DSCAML1: variants seen among roughly 807,000 people sequenced by gnomAD.
The protein encoded by DSCAML1 is DS cell adhesion molecule like 1, also known as cell adhesion molecule DSCAML1.
In DSCAML1, 38 loss-of-function variants were observed where a neutral mutation model predicts 200.5. That is an observed-to-expected ratio of 0.19 (90% CI 0.15 to 0.25). The LOEUF (loss-of-function observed/expected upper bound fraction) is 0.25. DSCAML1 is among the 10% of genes least tolerant of loss of function. DSCAML1 has a pLI of 1.00. For synonymous variants in DSCAML1, 1,215 were observed against 1,165.0 expected (o/e 1.04, Z -0.87); for missense variants, 2,223 against 2,858.8 (o/e 0.78, Z 5.07).
chr11:117,576,179 C>G (rs1024421006), intron 3 of DSCAML1, among the ~76,000 whole-genome samples: 1 of 152,208 alleles, frequency 6.6e-6, no homozygotes, highest in Non-Finnish European at 1.5e-5. Flanking sequence ...CTAGGACCAA[C>G]TGACCCCTTT....
intron 3 of DSCAML1, among the ~76,000 whole-genome samples, chr11:117,708,588 T>C (rs2053792306): frequency 6.6e-6 from 1 of 152,162 alleles, no homozygotes; most frequent in Non-Finnish European, 1.5e-5. Flanking sequence ...CCTCAAGAAA[T>C]GTTAGTGGCT....
intron 3 of DSCAML1, among the ~76,000 whole-genome samples, chr11:117,704,020 T>A (rs2053715790): frequency 6.6e-6 from 1 of 151,508 alleles, no homozygotes; most frequent in African/African-American, 2.4e-5. Flanking sequence ...TTGTCTAGGA[T>A]CACCCATGAG....
At position 117,675,979 on chromosome 11, in the gene DSCAML1, T is replaced by C. The variant is rs117836989; in HGVS notation, c.511+100812A>G. On this transcript the variant is annotated intron_variant, in intron 3 of 32. Coordinates refer to ENST00000651296, the MANE Select transcript of DSCAML1 (RefSeq NM_020693.4). ...TTTTATGAGTTGGGGGCTGGGGATGTGAAGGGGAACTGGGAAGTAGAGGAG... is the reference window on the plus strand; with the variant it reads ...TTTTATGAGTTGGGGGCTGGGGATGCGAAGGGGAACTGGGAAGTAGAGGAG... Among the ~76,000 whole-genome samples the C allele has an allele frequency of 6.6e-4, 101 of 151,994 alleles. No homozygotes were observed. The East Asian group carries it at 0.017, about 25-fold the overall frequency.
chr11:117,765,738 T>C (rs1057289918), intron 3 of DSCAML1, among the ~76,000 whole-genome samples: 2 of 152,228 alleles, frequency 1.3e-5, no homozygotes, highest in African/African-American at 2.4e-5. Flanking sequence ...AAGTACCTGA[T>C]TTTGAATCCT....
chr11:117,693,399 C>G (rs958074382), intron 3 of DSCAML1, among the ~76,000 whole-genome samples: 1 of 152,184 alleles, frequency 6.6e-6, no homozygotes, highest in African/African-American at 2.4e-5. Context: ...CTTCTGCATT[C>G]TGTGTCATTC....
intron 1 of DSCAML1, among the ~76,000 whole-genome samples, chr11:117,793,174 G>T (rs1384622402): frequency 3.9e-5 from 6 of 152,178 alleles, no homozygotes. Context: ...CAAATCTGGG[G>T]TGTGCCCTTG....
At chr11:117,730,735 G>A (rs984112568) in intron 3 of DSCAML1, among the ~76,000 whole-genome samples, 7 of 152,038 alleles carry the variant, frequency 4.6e-5, no homozygotes, top group Non-Finnish European at 1.0e-4. Flanking sequence ...ACATACACCC[G>A]CACCAACATT....
chr11:117,791,653 G>A (rs912444679), intron 1 of DSCAML1, among the ~76,000 whole-genome samples: 6 of 152,222 alleles, frequency 3.9e-5, no homozygotes, highest in Non-Finnish European at 8.8e-5. Context: ...AGTCCTACAT[G>A]CTATCCAGCT....
intron 6 of DSCAML1, among the ~76,000 whole-genome samples, chr11:117,519,758 C>T (rs1179178412): frequency 1.3e-4 from 20 of 152,256 alleles, no homozygotes; most frequent in African/African-American, 3.9e-4. Flanking sequence ...AGTTTGAGGC[C>T]GCAGTGAGCT....
intron 3 of DSCAML1, among the ~76,000 whole-genome samples, chr11:117,654,935 T>C (rs902063784): frequency 1.3e-5 from 2 of 152,176 alleles, no homozygotes; most frequent in South Asian, 2.1e-4. Context: ...ATGTAAAATA[T>C]AGAATCAGAC....
At chr11:117,632,309 C>A (rs1269999839) in intron 3 of DSCAML1, among the ~76,000 whole-genome samples, 1 of 152,202 alleles carries the variant, frequency 6.6e-6, no homozygotes, top group Non-Finnish European at 1.5e-5. Flanking sequence ...GAGGCCAGTT[C>A]ATTTTCAGGC....
In DSCAML1 at chr11:117,433,243, T is replaced by C; in HGVS notation, c.4921A>G (p.Ser1641Gly). 1 of 1,610,750 alleles carries C rather than the reference T, an allele frequency of 6.2e-7. No individual in the cohort carries two copies. Among genetic ancestry groups the C allele is most frequent in the Non-Finnish European group, 8.5e-7 (1 of 1,178,384 alleles). ...AEMLISKNNR[S>G]FDTPVKGPPQ... ...GGCCCTTTCACAGGGGTGTCAAAGC[T>C]TCTATTGTTCTTGCTGTGGGGAGAA... The change falls in exon 29 of 33, where the codon AGC (serine) becomes GGC (glycine). Residue 1641 changes from serine to glycine, a missense_variant. Physicochemically the swap from Ser to Gly is moderately conservative, Grantham distance 56 (BLOSUM62 0). This residue lies in a region of DSCAML1 where 614 missense variants were observed against 739.1 expected (regional missense o/e 0.83). Transcript: ENST00000651296.
At chr11:117,697,405 T>C (rs954625557) in intron 3 of DSCAML1, among the ~76,000 whole-genome samples, 3 of 151,216 alleles carry the variant, frequency 2.0e-5, no homozygotes, top group African/African-American at 7.4e-5. Context: ...TGGTAGTCCT[T>C]GACTTTTTTT....
chr11:117,581,142 G>GA (rs2051030806), intron 3 of DSCAML1, among the ~76,000 whole-genome samples: 1 of 152,196 alleles, frequency 6.6e-6, no homozygotes, highest in African/African-American at 2.4e-5. Flanking sequence ...TTGCCCCTGT[G>GA]AAAAATTGCC....
chr11:117,696,252 T>C (rs1030897596), intron 3 of DSCAML1, among the ~76,000 whole-genome samples: 8 of 152,086 alleles, frequency 5.3e-5, no homozygotes, highest in East Asian at 1.9e-4. Flanking sequence ...GAGGGGGAAG[T>C]TGAGCTGGTT....
intron 6 of DSCAML1, among the ~76,000 whole-genome samples, chr11:117,519,234 G>A (rs901792339): frequency 2.6e-5 from 4 of 152,292 alleles, no homozygotes; most frequent in South Asian, 2.1e-4. Flanking sequence ...ATATGGAACC[G>A]CCTGGCCCTG....
intron 11 of DSCAML1, among the ~76,000 whole-genome samples, chr11:117,487,340 G>A (rs1268463451): frequency 6.6e-6 from 1 of 152,062 alleles, no homozygotes; most frequent in Non-Finnish European, 1.5e-5. Context: ...GTGACAGAGA[G>A]GGGATTTCAA....
intron 20 of DSCAML1, 30 bp downstream of exon 20, chr11:117,450,519 C>T (rs1565691791): frequency 6.2e-7 from 1 of 1,608,426 alleles, no homozygotes; most frequent in Admixed American, 1.7e-5. Context: ...TCTTCCATCC[C>T]CTTCATCATC....
chr11:117,667,820 T>A (rs186961207), intron 3 of DSCAML1, among the ~76,000 whole-genome samples: 17 of 152,312 alleles, frequency 1.1e-4, no homozygotes, highest in Admixed American at 1.1e-3. Flanking sequence ...TATCCAGTAC[T>A]TTTTCCTGTC....
Sources: allele counts gnomAD v4.1 joint callset (sites outside exome capture counted in the v4.1 genomes callset), GRCh38; gene constraint gnomAD v4.1.1; regional missense constraint gnomAD v4.1.1; transcripts MANE v1.5; gene names NCBI Gene and HGNC (gene_info 2026-07-23, HGNC 2026-07-21).